The following MIR2052HG variants were observed in gnomAD, a reference collection of about 807,000 sequenced individuals.
MIR2052HG encodes the protein MIR2052 host gene.
intron 2 of MIR2052HG, among the ~76,000 whole-genome samples, chr8:74,681,182 G>T (rs1809120671): frequency 6.6e-6 from 1 of 151,054 alleles, no homozygotes; most frequent in Admixed American, 6.6e-5. Context: ...CCTGCACATT[G>T]TGCACATGTA....
At chr8:74,630,699 A>G (rs1386375969) in intron 2 of MIR2052HG, among the ~76,000 whole-genome samples, 2 of 152,192 alleles carry the variant, frequency 1.3e-5, no homozygotes, top group Non-Finnish European at 2.9e-5. Flanking sequence ...TGAGCTACGG[A>G]TGGCATAACA....
chr8:74,750,571 AGTTGT>A (rs71565410), intron 4 of MIR2052HG, among the ~76,000 whole-genome samples: 35,297 of 151,876 alleles, frequency 0.23, 5,193 homozygotes, highest in East Asian at 0.63. Context: ...TTTGACAAGG[AGTTGT>A]GTTGTGTTTT....
At chr8:74,678,215 G>C (rs993184986) in intron 2 of MIR2052HG, among the ~76,000 whole-genome samples, 3 of 152,110 alleles carry the variant, frequency 2.0e-5, no homozygotes, top group Non-Finnish European at 4.4e-5. Flanking sequence ...GTTATACTAA[G>C]TATTCAATTA....
intron 2 of MIR2052HG, among the ~76,000 whole-genome samples, chr8:74,627,807 A>G (rs1808455763): frequency 6.6e-6 from 1 of 152,252 alleles, no homozygotes; most frequent in African/African-American, 2.4e-5. Context: ...TGACATAAGC[A>G]TTTTAAAAAA....
intron 2 of MIR2052HG, among the ~76,000 whole-genome samples, chr8:74,662,941 A>G (rs1808881705): frequency 6.6e-6 from 1 of 151,886 alleles, no homozygotes; most frequent in South Asian, 2.1e-4. Flanking sequence ...TAAAAAACAG[A>G]TACTTTTTAA....
chr8:74,712,097 T>C (rs1809474222), intron 4 of MIR2052HG, among the ~76,000 whole-genome samples: 1 of 152,182 alleles, frequency 6.6e-6, no homozygotes, highest in South Asian at 2.1e-4. Context: ...TCTTTTGTTA[T>C]TTGGGTTTTT....
intron 2 of MIR2052HG, among the ~76,000 whole-genome samples, chr8:74,649,338 G>T (rs11988654): frequency 0.41 from 62,571 of 151,566 alleles, 13,794 homozygotes; most frequent in East Asian, 0.66. Flanking sequence ...TTGCATTTTT[G>T]TGTGTGTGAT....
intron 4 of MIR2052HG, among the ~76,000 whole-genome samples, chr8:74,704,493 T>C (rs1688162368): frequency 6.6e-6 from 1 of 152,042 alleles, no homozygotes; most frequent in African/African-American, 2.4e-5. Flanking sequence ...GCAATTTCTT[T>C]TTCATATAGA....
intron 2 of MIR2052HG, among the ~76,000 whole-genome samples, chr8:74,653,775 G>T (rs573855330): frequency 1.3e-5 from 2 of 152,080 alleles, no homozygotes; most frequent in South Asian, 4.1e-4. Context: ...GTATTTTTTT[G>T]ATTCCCCATT....
chr8:74,752,267 G>T (rs1469680721), intron 4 of MIR2052HG, among the ~76,000 whole-genome samples: 2 of 137,726 alleles, frequency 1.5e-5, no homozygotes, highest in Admixed American at 1.5e-4. Flanking sequence ...GGGTGACAGA[G>T]TGAGATCCTG....
chr8:74,647,797 T>C (rs1308699623), intron 2 of MIR2052HG, among the ~76,000 whole-genome samples: 2 of 152,182 alleles, frequency 1.3e-5, no homozygotes, highest in African/African-American at 2.4e-5. Flanking sequence ...TATAATTCCT[T>C]ATGCCTGTCT....
At chr8:74,752,237 C>T (rs754115032) in intron 4 of MIR2052HG, among the ~76,000 whole-genome samples, 8 of 150,444 alleles carry the variant, frequency 5.3e-5, no homozygotes, top group Non-Finnish European at 1.0e-4. Flanking sequence ...AGCCATCATC[C>T]CTCCACTTTA....
chr8:74,754,657 T>A (rs1809981323), intron 5 of MIR2052HG, among the ~76,000 whole-genome samples: 1 of 152,302 alleles, frequency 6.6e-6, no homozygotes, highest in African/African-American at 2.4e-5. Context: ...CTACAGCTAG[T>A]GATGAAGGCG....
chr8:74,667,658 T>TA (rs1376436514), intron 2 of MIR2052HG, among the ~76,000 whole-genome samples: 4 of 152,134 alleles, frequency 2.6e-5, no homozygotes, highest in East Asian at 3.9e-4. Context: ...GTACTCCTTT[T>TA]AAAACTTGTG....
intron 2 of MIR2052HG, among the ~76,000 whole-genome samples, chr8:74,674,200 G>T (rs1200570373): frequency 6.6e-6 from 1 of 150,692 alleles, no homozygotes; most frequent in Non-Finnish European, 1.5e-5. Flanking sequence ...GTAGGATTTG[G>T]TTTCTGTGCC....
At chr8:74,657,054 G>T (rs1808814509) in intron 2 of MIR2052HG, among the ~76,000 whole-genome samples, 1 of 152,164 alleles carries the variant, frequency 6.6e-6, no homozygotes, top group Non-Finnish European at 1.5e-5. Flanking sequence ...CTGCAAAGAT[G>T]CAAGTCTGCA....
intron 2 of MIR2052HG, among the ~76,000 whole-genome samples, chr8:74,679,274 T>TCCA (rs1026998433): frequency 6.6e-6 from 1 of 152,016 alleles, no homozygotes; most frequent in Non-Finnish European, 1.5e-5. Flanking sequence ...GTCCCTGAAG[T>TCCA]CCATTATATC....
intron 1 of MIR2052HG, chr8:74,609,991 GT>G (rs1371643228): frequency 1.3e-5 from 2 of 151,482 alleles, no homozygotes; most frequent in African/African-American, 4.8e-5. Flanking sequence ...AATTAAAGAT[GT>G]TGATATTGGA....
chr8:74,608,365 C>CT (rs1216864808), intron 1 of MIR2052HG, among the ~76,000 whole-genome samples: 1 of 152,032 alleles, frequency 6.6e-6, no homozygotes, highest in Non-Finnish European at 1.5e-5. Flanking sequence ...AATTGTAACT[C>CT]TTTTTTTCTT....
Sources: gnomAD v4.1 joint callset for allele counts (sites outside exome capture counted in the v4.1 genomes callset) on GRCh38, gnomAD v4.1.1 for gene constraint, MANE v1.5 for transcripts, NCBI Gene and HGNC (gene_info 2026-07-23, HGNC 2026-07-21) for gene names.